Variants in DPP6 observed in about 807,000 individuals in gnomAD.
DPP6 encodes the protein dipeptidyl peptidase like 6.
In DPP6, 69 loss-of-function variants were observed where a neutral mutation model predicts 122.6. The observed-to-expected ratio is 0.56, with a 90% CI of 0.46 to 0.69. DPP6 has a LOEUF of 0.69. Ranked by LOEUF, DPP6 falls within the 30% of genes least tolerant of loss-of-function variation. The pLI, the probability that DPP6 is intolerant of heterozygous loss-of-function variation, is 0.00. For synonymous variants in DPP6, 418 were observed against 433.1 expected (o/e 0.97, Z 0.43); for missense variants, 928 against 1,116.9 (o/e 0.83, Z 2.41).
intron 6 of DPP6, among the ~76,000 whole-genome samples, chr7:154,658,537 G>A (rs769319349): frequency 3.9e-5 from 6 of 152,130 alleles, no homozygotes; most frequent in Non-Finnish European, 5.9e-5. Context: ...CAGTGTGTCC[G>A]GGAGGAAGCC....
chr7:153,789,386 G>C, the DPP6 span, among the ~76,000 whole-genome samples: 1 of 152,030 alleles, frequency 6.6e-6, no homozygotes, highest in African/African-American at 2.4e-5. Flanking sequence ...TCTACAATAT[G>C]ACAGATACAT....
chr7:154,594,780 A>G (rs74834084), intron 5 of DPP6, among the ~76,000 whole-genome samples: 1,624 of 152,238 alleles, frequency 0.011, 14 homozygotes, highest in Non-Finnish European at 0.015. Context: ...TTTGGATGGA[A>G]TGGCTTCTGT....
At chr7:154,485,322 A>G (rs2151377876) in intron 3 of DPP6, among the ~76,000 whole-genome samples, 1 of 152,280 alleles carries the variant, frequency 6.6e-6, no homozygotes, top group South Asian at 2.1e-4. Flanking sequence ...AATAAACAAA[A>G]TGTAATTATG....
At chr7:154,080,530 C>T (rs1803913908) in intron 1 of DPP6, among the ~76,000 whole-genome samples, 1 of 151,618 alleles carries the variant, frequency 6.6e-6, no homozygotes, top group Admixed American at 6.6e-5. Context: ...CCTGCCTGTG[C>T]TAGAGGATTG....
Position 154,892,613 on chromosome 7 carries a change from G to A in DPP6, c.*133G>A, listed in dbSNP as rs1386366987. 2.5e-5 allele frequency: 38 copies of A among 1,518,036 alleles called. No individual in the cohort carries two copies. Among genetic ancestry groups the A allele is most frequent in the Non-Finnish European group, 3.0e-5 (34 of 1,128,870 alleles). The allele number at this position is 1,518,036 out of a possible 1,614,324, so 94.0% of individuals were successfully genotyped here. ...GGTGTTCCATAGCATGTGTGTCTCGGATGCGGAAGGCAGTTTTGCTTGGGA... is the reference window on the plus strand; with the variant it reads ...GGTGTTCCATAGCATGTGTGTCTCGAATGCGGAAGGCAGTTTTGCTTGGGA... On this transcript the variant is annotated 3_prime_UTR_variant, in exon 26 of 26. Transcript: ENST00000377770.
intron 4 of DPP6, among the ~76,000 whole-genome samples, chr7:154,557,176 G>A (rs1477156457): frequency 1.3e-5 from 2 of 152,200 alleles, no homozygotes; most frequent in African/African-American, 4.8e-5. Flanking sequence ...CACCAGATAA[G>A]TGGAGCCACC....
At chr7:154,000,807 T>C (rs1403350094) in intron 1 of DPP6, among the ~76,000 whole-genome samples, 2 of 152,102 alleles carry the variant, frequency 1.3e-5, no homozygotes, top group African/African-American at 2.4e-5. Context: ...GACCTCTCTT[T>C]TCTAGGCATA....
intron 3 of DPP6, among the ~76,000 whole-genome samples, chr7:154,509,223 A>G (rs954996335): frequency 6.6e-6 from 1 of 152,204 alleles, no homozygotes; most frequent in East Asian, 1.9e-4. Context: ...AATATTTACA[A>G]ATAATTTACC....
rs1233478506 is a variant in DPP6, at chr7:154,760,326, G to A, written c.884-9091G>A. 6.6e-6 allele frequency among the ~76,000 whole-genome samples: 1 copy of A among 152,074 alleles called. No homozygotes were observed. The highest frequency in any genetic ancestry group is 1.5e-5 in the Non-Finnish European group (1 of 68,028). ...AATTATTTCTTCACGATTACTCATG[G>A]GCTGTGTGTGCAAATTCAGGGGGGT... On this transcript the variant is annotated intron_variant, in intron 8 of 25. Coordinates refer to ENST00000377770, the MANE Select transcript of DPP6 (RefSeq NM_130797.4). This position sits in a 1 kb window ranked among gnomAD's most constrained non-coding sequence, Gnocchi z 4.5.
intron 1 of DPP6, among the ~76,000 whole-genome samples, chr7:154,085,153 G>A (rs1213737355): frequency 3.3e-5 from 5 of 152,002 alleles, no homozygotes; most frequent in African/African-American, 7.2e-5. Flanking sequence ...CCAGCAATCC[G>A]TGGACAGGCA....
the DPP6 span, among the ~76,000 whole-genome samples, chr7:153,775,068 T>C: frequency 6.7e-6 from 1 of 148,896 alleles, no homozygotes; most frequent in African/African-American, 2.5e-5. Context: ...CCATCACTAA[T>C]GTAATACCAG....
the DPP6 span, among the ~76,000 whole-genome samples, chr7:153,840,488 TA>T: frequency 2.1e-4 from 32 of 149,606 alleles, no homozygotes; most frequent in Middle Eastern, 6.8e-3. Context: ...AATAAAGAAT[TA>T]AAAAAAAAAC....
chr7:154,638,720 G>A, intron 6 of DPP6, among the ~76,000 whole-genome samples: 1 of 152,216 alleles, frequency 6.6e-6, no homozygotes, highest in East Asian at 1.9e-4. Context: ...CACATGTTGA[G>A]TCAGACACAG....
At chr7:154,873,382 C>T (rs1054349429) in intron 19 of DPP6, among the ~76,000 whole-genome samples, 5 of 152,176 alleles carry the variant, frequency 3.3e-5, no homozygotes, top group African/African-American at 1.2e-4. Flanking sequence ...GCAAATGCCC[C>T]AATGCACCTC....
intron 3 of DPP6, among the ~76,000 whole-genome samples, chr7:154,491,362 C>T (rs573906818): frequency 6.6e-6 from 1 of 152,314 alleles, no homozygotes; most frequent in South Asian, 2.1e-4. Context: ...CTTCATTAAG[C>T]TCGGAAAATC....
chr7:153,945,595 G>A (rs1233624073), intron 1 of DPP6, among the ~76,000 whole-genome samples: 1 of 152,158 alleles, frequency 6.6e-6, no homozygotes, highest in Admixed American at 6.5e-5. Flanking sequence ...GGAGGCGCTT[G>A]GAGGCACAGA....
intron 1 of DPP6, among the ~76,000 whole-genome samples, chr7:154,191,295 A>T (rs1798605471): frequency 6.6e-6 from 1 of 152,230 alleles, no homozygotes; most frequent in Non-Finnish European, 1.5e-5. Flanking sequence ...CTAATCATTG[A>T]CATTGAATAT....
At chr7:154,104,319 G>A (rs1293474895) in intron 1 of DPP6, among the ~76,000 whole-genome samples, 1 of 152,192 alleles carries the variant, frequency 6.6e-6, no homozygotes, top group African/African-American at 2.4e-5. Context: ...TTTGCTTCCT[G>A]GACAACTTAG....
intron 5 of DPP6, among the ~76,000 whole-genome samples, chr7:154,610,705 CTCTGTGTGTGTGTGTGTGTGTGTGTG>C (rs1833856957): frequency 7.1e-6 from 1 of 140,610 alleles, no homozygotes; most frequent in East Asian, 2.1e-4. Flanking sequence ...CTGTGTTGTT[CTCTGTGTGTGTGTGTGTGTGTGTGTG>C]TGTGTGTGTG....
Sources: allele counts gnomAD v4.1 joint callset (sites outside exome capture counted in the v4.1 genomes callset), GRCh38; gene constraint gnomAD v4.1.1; non-coding constraint Gnocchi (gnomAD v3.1); transcripts MANE v1.5; gene names NCBI Gene and HGNC (gene_info 2026-07-23, HGNC 2026-07-21).